The following ERBB4 variants were observed in gnomAD, a reference collection of about 807,000 sequenced individuals.
The protein encoded by ERBB4 is erb-b2 receptor tyrosine kinase 4, also known as receptor tyrosine-protein kinase erbB-4.
ERBB4 carries 42 observed loss-of-function variants against 158.0 expected under a neutral mutation model. The ratio of observed to expected loss-of-function variants is 0.27; its 90% CI spans 0.21 to 0.34. The LOEUF (loss-of-function observed/expected upper bound fraction) is 0.34. Among genes scored for constraint, ERBB4 ranks in the 10% least tolerant of loss-of-function variants. The probability of loss-of-function intolerance (pLI) is 1.00; values close to 1 mark genes in which losing one functional copy is unlikely to be tolerated. For synonymous variants in ERBB4, 583 were observed against 558.7 expected, an observed-to-expected ratio of 1.04 and a Z score of -0.61; for missense variants, 1,333 against 1,624.1, an observed-to-expected ratio of 0.82 and a Z score of 3.08.
intron 20 of ERBB4, among the ~76,000 whole-genome samples, chr2:211,525,552 T>A (rs185530025): frequency 1.2e-4 from 18 of 152,262 alleles, no homozygotes; most frequent in Non-Finnish European, 2.4e-4. Context: ...ATGCACATAG[T>A]ATGCCATGGG....
intron 20 of ERBB4, among the ~76,000 whole-genome samples, chr2:211,435,868 C>T (rs2063840482): frequency 6.6e-6 from 1 of 152,188 alleles, no homozygotes. Flanking sequence ...CTAAAGTCTA[C>T]ATTTTTAAGC....
intron 1 of ERBB4, among the ~76,000 whole-genome samples, chr2:212,202,025 A>C (rs1345337714): frequency 6.6e-6 from 1 of 152,202 alleles, no homozygotes; most frequent in Non-Finnish European, 1.5e-5. Context: ...TGTATACTGA[A>C]CAATAATAGC....
chr2:211,549,104 G>A (rs1320519101), intron 20 of ERBB4, among the ~76,000 whole-genome samples: 2 of 152,000 alleles, frequency 1.3e-5, no homozygotes, highest in Admixed American at 1.3e-4. Flanking sequence ...TTGACGTTTT[G>A]TGCTTGCTAC....
intron 3 of ERBB4, among the ~76,000 whole-genome samples, chr2:211,800,005 A>C (rs1397823488): frequency 6.6e-6 from 1 of 152,178 alleles, no homozygotes; most frequent in Non-Finnish European, 1.5e-5. Flanking sequence ...TTTTTGGAGC[A>C]CATTATGCTT....
chr2:211,878,677 G>C (rs1340184463), intron 3 of ERBB4, among the ~76,000 whole-genome samples: 1 of 43,686 alleles, frequency 2.3e-5, no homozygotes, highest in East Asian at 6.1e-4. Context: ...TTTTCCTTGA[G>C]ATGGAGTTTC....
At chr2:212,105,298 G>C (rs1004259919) in intron 2 of ERBB4, among the ~76,000 whole-genome samples, 1 of 152,162 alleles carries the variant, frequency 6.6e-6, no homozygotes, top group African/African-American at 2.4e-5. Context: ...CCAAAGAGTG[G>C]TATTCAACAT....
At chr2:211,478,033 T>C (rs1398784992) in intron 20 of ERBB4, among the ~76,000 whole-genome samples, 1 of 152,162 alleles carries the variant, frequency 6.6e-6, no homozygotes, top group Non-Finnish European at 1.5e-5. Context: ...ACTTGGCTCA[T>C]GAATTCTTGG....
rs79880715 is a variant in ERBB4 at position 212,252,713 on chromosome 2, A to G, written c.83-127810T>C. On this transcript the variant is annotated intron_variant, in intron 1 of 27. Transcript: ENST00000342788. ...CCTTTTATGCTGATGATCATAGAGG[A>G]AAGAATAATGAGACTTTTAGACAGA... Among the ~76,000 whole-genome samples, 1,336 of 152,162 alleles carry G rather than the reference A, an allele frequency of 8.8e-3. 55 individuals are homozygous for G. In the East Asian group the frequency reaches 0.12, roughly 14 times the overall value.
chr2:211,623,280 T>C (rs1353935667), intron 18 of ERBB4, among the ~76,000 whole-genome samples: 2 of 151,726 alleles, frequency 1.3e-5, no homozygotes, highest in East Asian at 3.9e-4. Flanking sequence ...ACACATGATG[T>C]CATCTTTTCC....
rs555806554 is a variant in ERBB4 at position 211,633,823 on chromosome 2, T to C, written c.1947-3229A>G. On this transcript the variant is annotated intron_variant, in intron 16 of 27. Transcript: ENST00000342788. ...AGATTTTGATGTTAGTAGAAAATAT[T>C]TGCAAACTATACATCTAACAAAGGT... 3.1e-3 allele frequency among the ~76,000 whole-genome samples: 476 copies of C among 151,878 alleles called. 10 individuals carry two copies. The highest frequency in any genetic ancestry group is 0.03 in the Admixed American group (455 of 15,224).
chr2:211,992,645 A>C (rs2082107933), intron 2 of ERBB4, among the ~76,000 whole-genome samples: 1 of 152,052 alleles, frequency 6.6e-6, no homozygotes, highest in Non-Finnish European at 1.5e-5. Flanking sequence ...GCTTAAGACT[A>C]GAATCTGCTC....
intron 1 of ERBB4, among the ~76,000 whole-genome samples, chr2:212,314,474 A>G (rs916005582): frequency 6.6e-6 from 1 of 151,044 alleles, no homozygotes; most frequent in African/African-American, 2.4e-5. Context: ...AAATTAATTC[A>G]TTAGAAAAAA....
At chr2:212,283,946 ACT>A (rs946937031) in intron 1 of ERBB4, among the ~76,000 whole-genome samples, 1 of 151,954 alleles carries the variant, frequency 6.6e-6, no homozygotes, top group Non-Finnish European at 1.5e-5. Flanking sequence ...AAAGCCTCAA[ACT>A]CTCTAAATTT....
At chr2:211,926,891 T>C (rs915212259) in intron 3 of ERBB4, among the ~76,000 whole-genome samples, 6 of 152,174 alleles carry the variant, frequency 3.9e-5, no homozygotes, top group African/African-American at 7.2e-5. Context: ...TTTTATCCAC[T>C]ATCTCCTCAA....
intron 3 of ERBB4, among the ~76,000 whole-genome samples, chr2:211,935,814 A>C (rs2080306895): frequency 6.6e-6 from 1 of 152,094 alleles, no homozygotes; most frequent in Admixed American, 6.6e-5. Context: ...TAATACACCT[A>C]CTAATCGTGG....
intron 20 of ERBB4, among the ~76,000 whole-genome samples, chr2:211,469,874 G>A (rs1376008567): frequency 6.6e-6 from 1 of 152,062 alleles, no homozygotes; most frequent in Non-Finnish European, 1.5e-5. Context: ...GCCTCCCAGT[G>A]GGCAACAGTC....
At chr2:211,659,035 A>G (rs1424381965) in intron 15 of ERBB4, among the ~76,000 whole-genome samples, 1 of 152,116 alleles carries the variant, frequency 6.6e-6, no homozygotes, top group Non-Finnish European at 1.5e-5. Flanking sequence ...TTAATTTTCA[A>G]ATTTGAAAAA....
At chr2:211,961,254 T>C (rs1030477868) in intron 2 of ERBB4, among the ~76,000 whole-genome samples, 1 of 152,234 alleles carries the variant, frequency 6.6e-6, no homozygotes, top group African/African-American at 2.4e-5. Flanking sequence ...TATTTTTTTT[T>C]CCAAGAATGT....
Position 211,701,987 on chromosome 2 carries a change from T to C in ERBB4, c.1469A>G (p.Asn490Ser). Reference protein sequence around the residue: ...TINQRIVIRDNRKAENCTAEG... With the variant: ...TINQRIVIRDSRKAENCTAEG... ...CTTACTACAATTTTCAGCTTTTCTGTTGTCCCGGATTACTATTCTCTGGTT... is the reference window on the plus strand; with the variant it reads ...CTTACTACAATTTTCAGCTTTTCTGCTGTCCCGGATTACTATTCTCTGGTT... Residue 490 changes from asparagine (N) to serine (S), a missense_variant, in exon 12 of 28, where the codon AAC becomes AGC. Around this residue, in one of 5 missense-constraint regions of ERBB4, gnomAD observed 245 missense variants for 247.5 expected, o/e 0.99. Coordinates refer to ENST00000342788, the MANE Select transcript of ERBB4 (RefSeq NM_005235.3). The C allele has an allele frequency of 1.2e-6, 2 of 1,613,814 alleles. No homozygotes were observed. The highest frequency in any genetic ancestry group is 1.7e-6 in the Non-Finnish European group (2 of 1,179,686).
Sources: gnomAD v4.1 joint callset for allele counts (sites outside exome capture counted in the v4.1 genomes callset) on GRCh38, gnomAD v4.1.1 for gene constraint, gnomAD v4.1.1 regional missense constraint, MANE v1.5 for transcripts, NCBI Gene and HGNC (gene_info 2026-07-23, HGNC 2026-07-21) for gene names.